The following ABLIM1 variants were observed in gnomAD, a reference collection of about 807,000 sequenced individuals.
ABLIM1 encodes actin binding LIM protein 1, also known as actin-binding LIM protein 1.
A neutral mutation model predicts 107.0 loss-of-function variants in ABLIM1; 40 were observed. The observed-to-expected ratio is 0.37, with a 90% CI of 0.29 to 0.49. The LOEUF (loss-of-function observed/expected upper bound fraction) is 0.49, where lower values mean the gene tolerates loss of function less well. ABLIM1 is among the 20% of genes least tolerant of loss of function. ABLIM1 has a pLI of 0.97. For synonymous variants in ABLIM1, 357 were observed against 357.3 expected (o/e 1.00, Z 0.01); for missense variants, 857 against 1,008.5 (o/e 0.85, Z 2.04).
At chr10:114,620,267 T>C (rs1361037416) in intron 1 of ABLIM1, among the ~76,000 whole-genome samples, 3 of 152,218 alleles carry the variant, frequency 2.0e-5, no homozygotes, top group African/African-American at 7.2e-5. Flanking sequence ...TTTATATGCA[T>C]GTGTATATGA....
At chr10:114,729,530 G>A (rs1361603958) in intron 1 of ABLIM1, among the ~76,000 whole-genome samples, 1 of 152,100 alleles carries the variant, frequency 6.6e-6, no homozygotes, top group Non-Finnish European at 1.5e-5. Flanking sequence ...GAGTGTTTAA[G>A]TTCTTTGATT....
At chr10:114,742,029 A>G (rs991302564) in intron 1 of ABLIM1, among the ~76,000 whole-genome samples, 4 of 152,214 alleles carry the variant, frequency 2.6e-5, no homozygotes, top group African/African-American at 7.2e-5. Context: ...CTTTTTGTCA[A>G]TTACATGAAA....
Position 114,432,245 on chromosome 10 carries a change from A to C in ABLIM1, c.*4015T>G, listed in dbSNP as rs1291363980. The C allele has an allele frequency of 1.3e-5, 2 of 152,246 alleles. No homozygotes were observed. Among genetic ancestry groups the C allele is most frequent in the African/African-American group, 4.8e-5 (2 of 41,470 alleles). 9.4% of individuals were successfully genotyped at this position (152,246 alleles called of 1,614,324 possible). A position where few individuals can be genotyped will look rare whatever the true frequency, so the allele number is the denominator to read the frequency against. The stretch of plus-strand genomic sequence containing the variant: ...AGGCTGGCATAGGAAGTACAGATTA[A>C]ATACAGGTTAAATAGCTACCAGAAA... On this transcript the variant is annotated 3_prime_UTR_variant, in exon 23 of 23. Transcript: ENST00000533213.
At chr10:114,573,701 T>C (rs2072046756) in intron 3 of ABLIM1, among the ~76,000 whole-genome samples, 2 of 152,190 alleles carry the variant, frequency 1.3e-5, no homozygotes, top group African/African-American at 4.8e-5. Flanking sequence ...CTCCCACCCA[T>C]CCAGGAGATT....
At chr10:114,598,851 TA>T (rs2075714603) in intron 2 of ABLIM1, among the ~76,000 whole-genome samples, 1 of 152,190 alleles carries the variant, frequency 6.6e-6, no homozygotes, top group African/African-American at 2.4e-5. Context: ...TTTTTTAATT[TA>T]TTTTTTAAGT....
chr10:114,610,250 G>A (rs1286185395), intron 1 of ABLIM1, among the ~76,000 whole-genome samples: 2 of 152,194 alleles, frequency 1.3e-5, no homozygotes, highest in East Asian at 1.9e-4. Context: ...AAGGAAACAC[G>A]ACACACCATT....
intron 6 of ABLIM1, among the ~76,000 whole-genome samples, chr10:114,495,263 C>T (rs2059512166): frequency 6.6e-6 from 1 of 152,094 alleles, no homozygotes; most frequent in South Asian, 2.1e-4. Context: ...AAAAAAAGTC[C>T]ATTTCTTTTG....
chr10:114,724,437 G>A (rs189014188), intron 1 of ABLIM1, among the ~76,000 whole-genome samples: 6 of 152,088 alleles, frequency 3.9e-5, no homozygotes, highest in East Asian at 3.9e-4. Context: ...AGGTAAACTC[G>A]GCCTCTCCTG....
chr10:114,712,080 C>T (rs1352067274), intron 1 of ABLIM1, among the ~76,000 whole-genome samples: 2 of 151,936 alleles, frequency 1.3e-5, no homozygotes, highest in African/African-American at 2.4e-5. Flanking sequence ...TGGCTGGGCT[C>T]GGTGACTCAC....
intron 1 of ABLIM1, among the ~76,000 whole-genome samples, chr10:114,650,107 G>A (rs1352892638): frequency 4.6e-5 from 7 of 152,002 alleles, no homozygotes; most frequent in African/African-American, 9.7e-5. Context: ...CACCCATCTC[G>A]GCCTCCCAAA....
chr10:114,590,026 C>T (rs910172729), intron 2 of ABLIM1, among the ~76,000 whole-genome samples: 3 of 151,962 alleles, frequency 2.0e-5, no homozygotes, highest in Admixed American at 1.3e-4. Context: ...GTTTTTATAC[C>T]GTATTTTTAC....
chr10:114,790,536 C>T, the ABLIM1 span, among the ~76,000 whole-genome samples: 4 of 152,138 alleles, frequency 2.6e-5, no homozygotes, highest in African/African-American at 7.2e-5. Flanking sequence ...AAATAAGAAG[C>T]GTCTTGCTCA....
chr10:114,431,469 G>A lies in ABLIM1; in HGVS notation c.*4791C>T, dbSNP rs1382362045. On this transcript the variant is annotated 3_prime_UTR_variant, in exon 23 of 23. Coordinates refer to ENST00000533213, the MANE Select transcript of ABLIM1 (RefSeq NM_002313.7). ...ACCCAACTTAAAATCAAAGAACTCA[G>A]AGAGCTTCAATGCGGAGTCATCAGC... 6.6e-6 allele frequency: 1 copy of A among 152,184 alleles called. No homozygotes were observed. Among genetic ancestry groups the A allele is most frequent in the African/African-American group, 2.4e-5 (1 of 41,448 alleles). 9.4% of individuals were successfully genotyped at this position (152,184 alleles called of 1,614,324 possible).
intron 1 of ABLIM1, among the ~76,000 whole-genome samples, chr10:114,604,310 T>G (rs933654088): frequency 6.6e-6 from 1 of 152,238 alleles, no homozygotes; most frequent in African/African-American, 2.4e-5. Flanking sequence ...CAGAAAATTG[T>G]TGTAAGTCAA....
intron 22 of ABLIM1, among the ~76,000 whole-genome samples, 191 bp from the exon 23 acceptor site, chr10:114,436,564 A>G (rs139670614): frequency 6.6e-6 from 1 of 152,248 alleles, no homozygotes; most frequent in East Asian, 1.9e-4. Context: ...AGCCCTTCCC[A>G]TCAGATAAAA....
Position 114,465,084 on chromosome 10 carries a change from T to A in ABLIM1, c.1441+614A>T, listed in dbSNP as rs147324946. 2.8e-4 allele frequency among the ~76,000 whole-genome samples: 42 copies of A among 152,348 alleles called. 1 individual carries two copies. In the East Asian group the frequency reaches 8.1e-3, roughly 29 times the overall value. ...AGTGATGCCTAATAATTGTATGTTT[T>A]CCAAGTCTGATTGAAAATCTTAGGG... On this transcript the variant is annotated intron_variant, in intron 12 of 22. Coordinates refer to ENST00000533213, the MANE Select transcript of ABLIM1 (RefSeq NM_002313.7).
chr10:114,594,090 A>T lies in ABLIM1; in HGVS notation c.379+7737T>A, dbSNP rs767956553. ...ACTAAGATTCTCTAGATAGGTAATA[A>T]AAGGATGAGCTCTGCTTTTGGAGAA... On this transcript the variant is annotated intron_variant, in intron 2 of 22. Coordinates refer to ENST00000533213, the MANE Select transcript of ABLIM1 (RefSeq NM_002313.7). Among the ~76,000 whole-genome samples, 83 of 152,194 alleles carry T rather than the reference A, an allele frequency of 5.5e-4. 1 individual carries two copies. Among genetic ancestry groups the T allele is most frequent in the Admixed American group, 3.9e-3 (60 of 15,280 alleles).
intron 1 of ABLIM1, among the ~76,000 whole-genome samples, chr10:114,609,218 T>C (rs570337260): frequency 1.3e-5 from 2 of 152,334 alleles, no homozygotes; most frequent in African/African-American, 4.8e-5. Context: ...AATACTCTAC[T>C]ATTTATTTGT....
rs772315355 is a variant in ABLIM1 at position 114,547,743 on chromosome 10, C to G, written c.707G>C (p.Gly236Ala). The G allele has an allele frequency of 2.5e-6, 4 of 1,612,818 alleles. No homozygotes were observed. The highest frequency in any genetic ancestry group is 1.7e-6 in the Non-Finnish European group (2 of 1,180,030). ...CAGCGRDIKN[G>A]QALLALDKQW... ...CTTATCCAGCGCCAGCAGCGCCTGC[C>G]CATTCTTGATATCTCTTCCGCAGCC... Residue 236 changes from glycine (G) to alanine (A), a missense_variant, in exon 5 of 23, where the codon GGG becomes GCG. Around this residue, in one of 5 missense-constraint regions of ABLIM1, gnomAD observed 381 missense variants for 506.9 expected, o/e 0.75. Coordinates refer to ENST00000533213, the MANE Select transcript of ABLIM1 (RefSeq NM_002313.7).
Sources: gnomAD v4.1 joint callset for allele counts (sites outside exome capture counted in the v4.1 genomes callset) on GRCh38, gnomAD v4.1.1 for gene constraint, gnomAD v4.1.1 regional missense constraint, MANE v1.5 for transcripts, NCBI Gene and HGNC (gene_info 2026-07-23, HGNC 2026-07-21) for gene names.